The following TYW1B variants were observed in gnomAD, a reference collection of about 807,000 sequenced individuals.
TYW1B encodes the protein S-adenosyl-L-methionine-dependent tRNA 4-demethylwyosine synthase TYW1B.
In TYW1B, 73 loss-of-function variants were observed where a neutral mutation model predicts 86.9. The observed-to-expected ratio is 0.84, with a 90% CI of 0.70 to 1.02. The LOEUF (loss-of-function observed/expected upper bound fraction) is 1.02. Ranked by LOEUF, TYW1B falls within the 50% of genes least tolerant of loss-of-function variation. TYW1B has a pLI of 0.00. For missense variants in TYW1B, 637 were observed against 827.4 expected, an observed-to-expected ratio of 0.77 and a Z score of 2.82; for synonymous variants, 248 against 292.8, an observed-to-expected ratio of 0.85 and a Z score of 1.56.
intron 11 of TYW1B, among the ~76,000 whole-genome samples, chr7:72,669,466 T>C (rs1174264785): frequency 9.9e-5 from 15 of 152,142 alleles, no homozygotes; most frequent in African/African-American, 3.1e-4. Flanking sequence ...ACTAATTTTA[T>C]TAATAATAGC....
At chr7:72,648,534 C>T (rs1341865113) in intron 11 of TYW1B, among the ~76,000 whole-genome samples, 1 of 144,738 alleles carries the variant, frequency 6.9e-6, no homozygotes, top group Non-Finnish European at 1.5e-5. Flanking sequence ...CAGAGCAAGA[C>T]TCTGTCTCAG....
At chr7:72,580,571 G>A (rs1388930526) in intron 13 of TYW1B, among the ~76,000 whole-genome samples, 1 of 152,118 alleles carries the variant, frequency 6.6e-6, no homozygotes. Flanking sequence ...GGCTAGATGA[G>A]GCAATGCAGG....
intron 7 of TYW1B, among the ~76,000 whole-genome samples, chr7:72,772,227 C>T (rs10281513): frequency 1.3e-4 from 20 of 152,132 alleles, no homozygotes; most frequent in African/African-American, 4.8e-4. Context: ...TAGGTAAAAA[C>T]TCGGTAAAGC....
chr7:72,748,962 C>T (rs1460189872), intron 7 of TYW1B, among the ~76,000 whole-genome samples: 2 of 151,816 alleles, frequency 1.3e-5, no homozygotes, highest in Non-Finnish European at 2.9e-5. Context: ...CAGAAATGTT[C>T]CCCACCTCTT....
At chr7:72,784,698 A>G (rs1417161918) in intron 6 of TYW1B, among the ~76,000 whole-genome samples, 1 of 152,148 alleles carries the variant, frequency 6.6e-6, no homozygotes, top group African/African-American at 2.4e-5. Context: ...AGGTTTCACC[A>G]TGTTTGCCAG....
chr7:72,598,004 A>T (rs1554432962), intron 13 of TYW1B, among the ~76,000 whole-genome samples: 1 of 152,216 alleles, frequency 6.6e-6, no homozygotes, highest in East Asian at 1.9e-4. Context: ...ACAGATTCGC[A>T]CATGATGGTT....
intron 13 of TYW1B, among the ~76,000 whole-genome samples, chr7:72,590,832 A>G (rs1811380169): frequency 6.6e-6 from 1 of 152,212 alleles, no homozygotes; most frequent in Admixed American, 6.5e-5. Flanking sequence ...AAAGAAAACT[A>G]CAAATCCAAC....
intron 7 of TYW1B, among the ~76,000 whole-genome samples, chr7:72,774,674 T>C (rs1171611094): frequency 6.6e-6 from 1 of 152,096 alleles, no homozygotes; most frequent in Non-Finnish European, 1.5e-5. Context: ...GAGGTTGCAG[T>C]GAGCCAAGAT....
chr7:72,654,295 A>G (rs1813146699), intron 11 of TYW1B, among the ~76,000 whole-genome samples: 2 of 152,320 alleles, frequency 1.3e-5, no homozygotes, highest in East Asian at 3.9e-4. Flanking sequence ...AAATTCTATT[A>G]CAGCTCTCTG....
At chr7:72,611,256 A>G (rs1811925769) in intron 13 of TYW1B, among the ~76,000 whole-genome samples, 2 of 152,064 alleles carry the variant, frequency 1.3e-5, no homozygotes, top group Admixed American at 6.6e-5. Context: ...TACACTTCTC[A>G]GCACTTTTTT....
intron 11 of TYW1B, among the ~76,000 whole-genome samples, chr7:72,665,534 T>C (rs1449567526): frequency 6.6e-6 from 1 of 152,244 alleles, no homozygotes; most frequent in African/African-American, 2.4e-5. Context: ...CAATTCTGAA[T>C]ATTGTTATAT....
intron 8 of TYW1B, among the ~76,000 whole-genome samples, chr7:72,731,784 A>T (rs1465237674): frequency 1.3e-5 from 2 of 152,090 alleles, no homozygotes; most frequent in African/African-American, 4.8e-5. Flanking sequence ...TCTACTAAAA[A>T]TACAAAAATT....
At chr7:72,602,882 AC>A (rs1811700477) in intron 13 of TYW1B, among the ~76,000 whole-genome samples, 1 of 133,248 alleles carries the variant, frequency 7.5e-6, no homozygotes, top group Non-Finnish European at 1.6e-5. Flanking sequence ...ACACACACAC[AC>A]ACAATGTTGA....
chr7:72,678,327 C>T (rs1813784296), intron 11 of TYW1B, among the ~76,000 whole-genome samples: 1 of 152,200 alleles, frequency 6.6e-6, no homozygotes, highest in East Asian at 1.9e-4. Flanking sequence ...GGGGCTAACT[C>T]TCTGATAAGG....
In TYW1B at chr7:72,791,628, T is replaced by G. The variant is rs545674133; in HGVS notation, c.846+10772A>C. 4.6e-5 allele frequency among the ~76,000 whole-genome samples: 7 copies of G among 152,046 alleles called. No homozygotes were observed. In the South Asian group the frequency reaches 1.2e-3, roughly 27 times the overall value. On this transcript the variant is annotated intron_variant, in intron 6 of 13. Coordinates refer to ENST00000620995, the MANE Select transcript of TYW1B (RefSeq NM_001145440.3). ...TCGTCTCTACTAAAAACACAAAAAA[T>G]TAGCTGGGCATGGTGGCATGCACCT...
intron 11 of TYW1B, among the ~76,000 whole-genome samples, chr7:72,667,271 T>C (rs1446098000): frequency 3.3e-5 from 5 of 152,126 alleles, no homozygotes; most frequent in African/African-American, 7.2e-5. Flanking sequence ...TGATTATATT[T>C]GGAGCTGGCA....
intron 2 of TYW1B, among the ~76,000 whole-genome samples, chr7:72,820,730 C>T (rs1489475013): frequency 6.6e-6 from 1 of 152,128 alleles, no homozygotes; most frequent in Non-Finnish European, 1.5e-5. Flanking sequence ...GAGGGATCTG[C>T]CCCCAGGACC....
intron 11 of TYW1B, among the ~76,000 whole-genome samples, chr7:72,676,284 T>C (rs1341492897): frequency 6.6e-6 from 1 of 152,156 alleles, no homozygotes; most frequent in African/African-American, 2.4e-5. Context: ...ATAAAAGGTA[T>C]GAAGATAAGA....
intron 5 of TYW1B, among the ~76,000 whole-genome samples, chr7:72,805,861 AT>A (rs1226015061): frequency 6.6e-6 from 1 of 152,158 alleles, no homozygotes; most frequent in Non-Finnish European, 1.5e-5. Context: ...ATGAGTCAGA[AT>A]GTAAAGTTGC....
Sources: gnomAD v4.1 joint callset for allele counts (sites outside exome capture counted in the v4.1 genomes callset) on GRCh38, gnomAD v4.1.1 for gene constraint, MANE v1.5 for transcripts, NCBI Gene and HGNC (gene_info 2026-07-23, HGNC 2026-07-21) for gene names.